Variants in SPACA6 observed in about 807,000 individuals in gnomAD.
SPACA6 encodes sperm acrosome associated 6.
For synonymous variants in SPACA6, 6 were observed against 1.5 expected (o/e 4.05, Z -2.21); for missense variants, 8 against 2.8 (o/e 2.88, Z -1.34).
upstream of SPACA6, among the ~76,000 whole-genome samples, chr19:51,684,876 G>C (rs143169167): frequency 9.8e-5 from 15 of 152,316 alleles, no homozygotes; most frequent in East Asian, 2.7e-3. Flanking sequence ...CCAGTGTGGG[G>C]ATTATCCCAC....
intron 4 of SPACA6, 184 bp downstream of exon 4, chr19:51,702,836 A>C (rs1205715796): frequency 1.5e-5 from 6 of 398,398 alleles, no homozygotes; most frequent in Non-Finnish European, 2.2e-5. Context: ...GTGAGAGCCG[A>C]AGCAAACCAA....
At chr19:51,699,843 G>A (rs933778122) in intron 2 of SPACA6, among the ~76,000 whole-genome samples, 14 of 152,110 alleles carry the variant, frequency 9.2e-5, no homozygotes, top group Non-Finnish European at 1.6e-4. Flanking sequence ...CGATTTAGCC[G>A]ATAAAACCCT....
chr19:51,691,301 CAG>C (rs1284264256), upstream of SPACA6, among the ~76,000 whole-genome samples: 1 of 147,456 alleles, frequency 6.8e-6, no homozygotes, highest in African/African-American at 2.5e-5. Context: ...GGGAGAGAGA[CAG>C]AGACTGAGAG....
Position 51,704,116 on chromosome 19 carries a change from C to A in SPACA6, c.660C>A (p.His220Gln), listed in dbSNP as rs960531736. The A allele has an allele frequency of 1.2e-5, 5 of 401,086 alleles. No individual in the cohort carries two copies. Among genetic ancestry groups the A allele is most frequent in the Non-Finnish European group, 2.2e-5 (5 of 226,218 alleles). 24.8% of individuals were successfully genotyped at this position (401,086 alleles called of 1,614,324 possible). A position where few individuals can be genotyped will look rare whatever the true frequency, so the allele number is the denominator to read the frequency against. ...GGATCCGGCCGGCTCAGCTCACGCA[C>A]CGCGGGACGTTCTCCTGCGTGATCA... ...LARIRPAQLTHRGTFSCVIKQ... is the reference protein window; with the variant it reads ...LARIRPAQLTQRGTFSCVIKQ... Residue 220 changes from histidine to glutamine, a missense_variant, in exon 7 of 9, where the codon CAC becomes CAA. Physicochemically the swap from His to Gln is conservative, Grantham distance 24. Coordinates refer to ENST00000637797, the MANE Select transcript of SPACA6 (RefSeq NM_001316972.2).
At position 51,703,383 on chromosome 19, in the gene SPACA6, A is replaced by C; in HGVS notation, c.573+46A>C. The C allele has an allele frequency of 2.5e-6, 1 of 399,026 alleles. No homozygotes were observed. Among genetic ancestry groups the C allele is most frequent in the Non-Finnish European group, 4.4e-6 (1 of 225,942 alleles). The allele number at this position is 399,026 out of a possible 1,614,324, so 24.7% of individuals were successfully genotyped here. ...CGCGAAGAGTTTAGACGGGCGAGTT[A>C]GCCTTCACTAGAGGTTGGGGAGTCA... On this transcript the variant is annotated intron_variant, in intron 6 of 8. Transcript: ENST00000637797. This position sits in a 1 kb window ranked among gnomAD's most constrained non-coding sequence, Gnocchi z 4.2.
At chr19:51,707,128 G>C (rs1032549731), downstream of SPACA6, among the ~76,000 whole-genome samples, 17 of 152,122 alleles carry the variant, frequency 1.1e-4, no homozygotes, top group African/African-American at 3.9e-4. Flanking sequence ...AGGCACTGTA[G>C]AGATCCCAAT....
chr19:51,692,898 C>A, upstream of SPACA6: 1 of 531,932 alleles, frequency 1.9e-6, no homozygotes, highest in South Asian at 1.4e-5. The surrounding 1 kb of genome is among the most constrained non-coding windows in gnomAD (Gnocchi z 5.6). Context: ...CCGGCGGGGA[C>A]CCCCAGCCCC....
intron 2 of SPACA6, among the ~76,000 whole-genome samples, chr19:51,698,177 G>A (rs1229302649): frequency 2.0e-5 from 3 of 152,138 alleles, no homozygotes; most frequent in Non-Finnish European, 4.4e-5. Flanking sequence ...AGGTCGCATG[G>A]GGAGGAGGGC....
upstream of SPACA6, chr19:51,692,548 C>T: frequency 2.1e-6 from 1 of 485,136 alleles, no homozygotes; most frequent in Non-Finnish European, 4.1e-6. This position sits in a 1 kb window ranked among gnomAD's most constrained non-coding sequence, Gnocchi z 5.6. Context: ...GAGGAAGGGG[C>T]TGAGGGCCTG....
chr19:51,683,215 G>A, the SPACA6 span, among the ~76,000 whole-genome samples: 1 of 152,250 alleles, frequency 6.6e-6, no homozygotes, highest in Non-Finnish European at 1.5e-5. Flanking sequence ...TGCATCACTT[G>A]AATCTCTCTG....
chr19:51,688,930 A>G (rs1477966526), upstream of SPACA6, among the ~76,000 whole-genome samples: 26 of 49,100 alleles, frequency 5.3e-4, no homozygotes, highest in Admixed American at 1.3e-3. Context: ...AACGAGAGAG[A>G]AGGGAGGGAG....
At chr19:51,708,353 A>T (rs1939591315), downstream of SPACA6, among the ~76,000 whole-genome samples, 1 of 137,662 alleles carries the variant, frequency 7.3e-6, no homozygotes, top group Non-Finnish European at 1.6e-5. Context: ...AGACAATAAG[A>T]AAACAGTAAA....
downstream of SPACA6, among the ~76,000 whole-genome samples, chr19:51,708,192 A>G (rs2083524942): frequency 6.6e-6 from 1 of 152,186 alleles, no homozygotes; most frequent in Admixed American, 6.5e-5. Flanking sequence ...CTTGAATAGA[A>G]CAAACGATGC....
At chr19:51,695,353 C>T (rs1367869289) in intron 2 of SPACA6, among the ~76,000 whole-genome samples, 3 of 152,208 alleles carry the variant, frequency 2.0e-5, no homozygotes, top group Non-Finnish European at 2.9e-5. Flanking sequence ...GTGCCAGACC[C>T]TGGAACTGTG....
chr19:51,683,381 G>C, the SPACA6 span, among the ~76,000 whole-genome samples: 7,262 of 152,152 alleles, frequency 0.048, 264 homozygotes, highest in Non-Finnish European at 0.068. Context: ...CTCAAAGAAG[G>C]TCACATTCAC....
At chr19:51,690,366 C>A (rs890255044), upstream of SPACA6, among the ~76,000 whole-genome samples, 9 of 152,162 alleles carry the variant, frequency 5.9e-5, no homozygotes, top group African/African-American at 2.2e-4. Context: ...CCCCAACCCT[C>A]TGTTCCTCTA....
downstream of SPACA6, among the ~76,000 whole-genome samples, chr19:51,708,415 T>C (rs117838666): frequency 0.014 from 2,117 of 152,178 alleles, 29 homozygotes; most frequent in Non-Finnish European, 0.02. Context: ...AGAAATGGAA[T>C]ATGGGGCCGA....
At chr19:51,689,734 T>C (rs2083353557), upstream of SPACA6, among the ~76,000 whole-genome samples, 1 of 150,464 alleles carries the variant, frequency 6.6e-6, no homozygotes, top group Non-Finnish European at 1.5e-5. Context: ...TCCTGAATCC[T>C]TGAAGGAGGG....
At chr19:51,711,076 T>A (rs1469800503) in intron 2 of SPACA6, among the ~76,000 whole-genome samples, 2 of 151,980 alleles carry the variant, frequency 1.3e-5, no homozygotes. Context: ...CAAGACCCTA[T>A]CTCAAAAAAG....
Sources: allele counts gnomAD v4.1 joint callset (sites outside exome capture counted in the v4.1 genomes callset), GRCh38; gene constraint gnomAD v4.1.1; non-coding constraint Gnocchi (gnomAD v3.1); transcripts MANE v1.5; gene names NCBI Gene and HGNC (gene_info 2026-07-23, HGNC 2026-07-21).